The following ACSBG1 variants were observed in gnomAD, a reference collection of about 807,000 sequenced individuals.
The protein encoded by ACSBG1 is long-chain-fatty-acid--CoA ligase ACSBG1.
ACSBG1 carries 39 observed loss-of-function variants against 80.2 expected under a neutral mutation model. The observed-to-expected ratio is 0.49, with a 90% CI of 0.38 to 0.64. ACSBG1 has a LOEUF of 0.64. Ranked by LOEUF, ACSBG1 falls within the 30% of genes least tolerant of loss-of-function variation. The pLI is 0.00. For synonymous variants in ACSBG1, 392 were observed against 379.5 expected (o/e 1.03, Z -0.38); for missense variants, 828 against 966.4 (o/e 0.86, Z 1.90).
At chr15:78,182,806 G>T in intron 5 of ACSBG1, 21 bp from the exon 6 acceptor site, 1 of 1,612,952 alleles carries the variant, frequency 6.2e-7, no homozygotes, top group Non-Finnish European at 8.5e-7. Flanking sequence ...AGGAAAAATA[G>T]ATCAGGTTTC....
rs1281202420 is a variant in ACSBG1, at chr15:78,215,708, G to GAGAGAAAGAAAGAA, written c.132-7620_132-7607dup. ...GGAAGGGAAAAGAAAAAGAAGGAAA[G>GAGAGAAAGAAAGAA]AGAGAAAGAAAGAAAGAGAAAGAAA... On this transcript the variant is annotated intron_variant, in intron 1 of 13. Coordinates refer to ENST00000258873, the MANE Select transcript of ACSBG1 (RefSeq NM_015162.5). Among the ~76,000 whole-genome samples, 3 of 135,144 alleles carry GAGAGAAAGAAAGAA rather than the reference G, an allele frequency of 2.2e-5. No individual in the cohort carries two copies. The South Asian group carries it at 7.1e-4, about 32-fold the overall frequency. 88.7% of individuals were successfully genotyped at this position (135,144 alleles called of 152,430 possible).
chr15:78,182,469 G>T lies in ACSBG1; in HGVS notation c.891C>A (p.Asp297Glu). Reference protein sequence around the residue: ...GNPKGVMLSQDNITWTARYGS... With the variant: ...GNPKGVMLSQENITWTARYGS... ...CCCCACCGGGCATCTGTCCTACATT[G>T]TCTTGACTCAGCATCACGCCCTTGG... Residue 297 changes from aspartate to glutamate, a missense_variant, in exon 7 of 14, where the codon GAC (aspartate) becomes GAA (glutamate). Coordinates refer to ENST00000258873, the MANE Select transcript of ACSBG1 (RefSeq NM_015162.5). 2 of 1,613,898 alleles carry T rather than the reference G, an allele frequency of 1.2e-6. No homozygotes were observed. Among genetic ancestry groups the T allele is most frequent in the South Asian group, 1.1e-5 (1 of 91,076 alleles).
At chr15:78,230,670 G>C (rs1248038577) in intron 1 of ACSBG1, among the ~76,000 whole-genome samples, 2 of 152,202 alleles carry the variant, frequency 1.3e-5, no homozygotes, top group Admixed American at 1.3e-4. Flanking sequence ...TCTCGTTACA[G>C]TAAGTCGCAC....
intron 2 of ACSBG1, among the ~76,000 whole-genome samples, chr15:78,198,545 G>T (rs1343520997): frequency 6.9e-6 from 1 of 145,214 alleles, no homozygotes; most frequent in Non-Finnish European, 1.5e-5. Flanking sequence ...ATGGCGTTTC[G>T]CCATGTTGGC....
intron 1 of ACSBG1, chr15:78,213,425 G>A (rs1441057153): frequency 6.6e-6 from 1 of 152,332 alleles, no homozygotes; most frequent in Non-Finnish European, 1.5e-5. Context: ...GCTGCCCCAG[G>A]GTGCTCACCT....
intron 2 of ACSBG1, among the ~76,000 whole-genome samples, chr15:78,196,199 A>G (rs1002195915): frequency 1.3e-5 from 2 of 152,232 alleles, no homozygotes; most frequent in Non-Finnish European, 2.9e-5. Context: ...CTGAGCCTTC[A>G]GGTAGTGGCG....
rs758343925 is a variant in ACSBG1 at position 78,182,525 on chromosome 15, G to C, written c.835C>G (p.Leu279Val). ...DTQQPNQCCV[L>V]VYTSGTTGNP... The stretch of plus-strand genomic sequence containing the variant: ...CCAGTGGTGCCGGAAGTGTAGACTA[G>C]CACACAGCACTGGTTGGGCTGCTGG... The change falls in exon 7 of 14, where the codon CTA (leucine) becomes GTA (valine). Residue 279 changes from leucine (L) to valine (V), a missense_variant. Physicochemically the swap from Leu to Val is conservative, Grantham distance 32. Transcript: ENST00000258873. 1 of 1,614,126 alleles carries C rather than the reference G, an allele frequency of 6.2e-7. No individual in the cohort carries two copies. Among genetic ancestry groups the C allele is most frequent in the Non-Finnish European group, 8.5e-7 (1 of 1,180,004 alleles).
chr15:78,230,663 C>T (rs754756167), intron 1 of ACSBG1, among the ~76,000 whole-genome samples: 2 of 152,174 alleles, frequency 1.3e-5, no homozygotes, highest in Non-Finnish European at 2.9e-5. Context: ...GTGCTGTTCT[C>T]GTTACAGTAA....
In ACSBG1 at chr15:78,170,114, G is replaced by GGCTTGA. The variant is rs1476589103; in HGVS notation, c.*1324_*1329dup. ...AATTCACAAAATTATGCCATGCTGG[G>GGCTTGA]GCTTGAGCTTGAGCTTGGGCTTAGG... On this transcript the variant is annotated 3_prime_UTR_variant, in exon 14 of 14. Coordinates refer to ENST00000258873, the MANE Select transcript of ACSBG1 (RefSeq NM_015162.5). The GGCTTGA allele has an allele frequency of 6.6e-6, 1 of 152,180 alleles. No individual in the cohort carries two copies. The highest frequency in any genetic ancestry group is 2.4e-5 in the African/African-American group (1 of 41,430). The allele number at this position is 152,180 out of a possible 1,614,324, so 9.4% of individuals were successfully genotyped here.
chr15:78,207,923 A>ACCCCCCCCCCCCCCCCCCCC, intron 2 of ACSBG1, 79 bp downstream of exon 2: 1 of 284,792 alleles, frequency 3.5e-6, no homozygotes. Flanking sequence ...GTGGTCCCCC[A>ACCCCCCCCCCCCCCCCCCCC]CACCACCCAC....
rs937382225 is a variant in ACSBG1 at position 78,172,604 on chromosome 15, G to T, written c.2089+989C>A. 1.3e-5 allele frequency among the ~76,000 whole-genome samples: 2 copies of T among 152,182 alleles called. No individual in the cohort carries two copies. The highest frequency in any genetic ancestry group is 2.9e-5 in the Non-Finnish European group (2 of 68,030). ...TAACTGCTTAGTGAAGACATCTTCTGTCTCTCTGACCTTGCGTTCAATATG... is the reference window on the plus strand; with the variant it reads ...TAACTGCTTAGTGAAGACATCTTCTTTCTCTCTGACCTTGCGTTCAATATG... On this transcript the variant is annotated intron_variant, in intron 13 of 13. Coordinates refer to ENST00000258873, the MANE Select transcript of ACSBG1 (RefSeq NM_015162.5). This position sits in a 1 kb window ranked among gnomAD's most constrained non-coding sequence, Gnocchi z 4.1.
chr15:78,218,819 T>G (rs1211373636), intron 1 of ACSBG1, among the ~76,000 whole-genome samples: 3 of 39,294 alleles, frequency 7.6e-5, no homozygotes, highest in African/African-American at 2.8e-4. Context: ...CTTTTTTTTT[T>G]TTTTTTTTTT....
intron 1 of ACSBG1, among the ~76,000 whole-genome samples, chr15:78,221,400 C>T (rs2075358641): frequency 6.6e-6 from 1 of 152,178 alleles, no homozygotes; most frequent in East Asian, 1.9e-4. Flanking sequence ...ATTTATGTTT[C>T]TCTTTACCCA....
chr15:78,178,541 A>G lies in ACSBG1; in HGVS notation c.1702+73T>C, dbSNP rs557533394. ...GGTCTTGAACTCCTGAGCTCAGACA[A>G]TCTGCCCGCCTTGGCCTCCCAAAGT... On this transcript the variant is annotated intron_variant, in intron 11 of 13. Coordinates refer to ENST00000258873, the MANE Select transcript of ACSBG1 (RefSeq NM_015162.5). The surrounding 1 kb of genome is among the most constrained non-coding windows in gnomAD (Gnocchi z 4.3). The G allele has an allele frequency of 4.7e-6, 7 of 1,501,660 alleles. No homozygotes were observed. Among genetic ancestry groups the G allele is most frequent in the African/African-American group, 1.4e-5 (1 of 72,794 alleles). The allele number at this position is 1,501,660 out of a possible 1,614,324, so 93.0% of individuals were successfully genotyped here.
At chr15:78,233,607 A>C (rs970157098) in intron 1 of ACSBG1, among the ~76,000 whole-genome samples, 2 of 152,126 alleles carry the variant, frequency 1.3e-5, no homozygotes, top group Admixed American at 1.3e-4. Flanking sequence ...CAGGCGCCCC[A>C]GTTAGAAACC....
chr15:78,215,095 A>C (rs894818975), intron 1 of ACSBG1, among the ~76,000 whole-genome samples: 5 of 151,394 alleles, frequency 3.3e-5, no homozygotes, highest in Admixed American at 3.3e-4. Context: ...TTTTGTTGTC[A>C]CAGGACTTCG....
intron 1 of ACSBG1, chr15:78,213,373 C>T (rs559318289): frequency 3.9e-5 from 6 of 152,378 alleles, no homozygotes; most frequent in Non-Finnish European, 8.8e-5. Context: ...GCCTGAAGAC[C>T]CCCATAGAGG....
Position 78,179,687 on chromosome 15 carries a change from G to C in ACSBG1, c.1347C>G (p.Phe449Leu). 1.9e-6 allele frequency: 3 copies of C among 1,614,200 alleles called. No homozygotes were observed. The highest frequency in any genetic ancestry group is 2.5e-6 in the Non-Finnish European group (3 of 1,180,040). ...CTGCCATCATGGGGGCCGCTCCATAGAAGTTCTTTTGACACTTGGCAAATC... is the reference window on the plus strand; with the variant it reads ...CTGCCATCATGGGGGCCGCTCCATACAAGTTCTTTTGACACTTGGCAAATC... ...ALGFAKCQKN[F>L]YGAAPMMAET... The change falls in exon 10 of 14, where the codon TTC (phenylalanine) becomes TTG (leucine). Residue 449 changes from phenylalanine to leucine, a missense_variant. Phe to Leu is a conservative substitution (Grantham distance 22). Coordinates refer to ENST00000258873, the MANE Select transcript of ACSBG1 (RefSeq NM_015162.5).
At position 78,171,333 on chromosome 15, in the gene ACSBG1, C is replaced by G. The variant is rs1266306543; in HGVS notation, c.*111G>C. 24 of 820,748 alleles carry G rather than the reference C, an allele frequency of 2.9e-5. No homozygotes were observed. The highest frequency in any genetic ancestry group is 3.7e-5 in the Non-Finnish European group (19 of 513,732). 50.8% of individuals were successfully genotyped at this position (820,748 alleles called of 1,614,324 possible). A position where few individuals can be genotyped will look rare whatever the true frequency, so the allele number is the denominator to read the frequency against. ...CAGTGCTGTGCCCTGACCTGGAGAT[C>G]TAACAGACTTGGCAGAAATGCCTGT... On this transcript the variant is annotated 3_prime_UTR_variant, in exon 14 of 14. Coordinates refer to ENST00000258873, the MANE Select transcript of ACSBG1 (RefSeq NM_015162.5).
Sources: allele counts gnomAD v4.1 joint callset (sites outside exome capture counted in the v4.1 genomes callset), GRCh38; gene constraint gnomAD v4.1.1; non-coding constraint Gnocchi (gnomAD v3.1); transcripts MANE v1.5; gene names NCBI Gene and HGNC (gene_info 2026-07-23, HGNC 2026-07-21).